PPA2: variants seen among roughly 807,000 people sequenced by gnomAD.
PPA2 encodes the protein inorganic pyrophosphatase 2.
In PPA2, 48 loss-of-function variants were observed where a neutral mutation model predicts 49.5. That is an observed-to-expected ratio of 0.97 (90% CI 0.77 to 1.23). The LOEUF (loss-of-function observed/expected upper bound fraction) is 1.23, where lower values mean the gene tolerates loss of function less well. Among genes scored for constraint, PPA2 ranks in the 50% most tolerant of loss-of-function variants. The pLI is 0.00. For synonymous variants in PPA2, 131 were observed against 139.9 expected (o/e 0.94, Z 0.45); for missense variants, 429 against 410.1 (o/e 1.05, Z -0.40).
chr4:105,440,785 C>T (rs1181838121), intron 5 of PPA2, among the ~76,000 whole-genome samples: 1 of 151,946 alleles, frequency 6.6e-6, no homozygotes, highest in Non-Finnish European at 1.5e-5. Flanking sequence ...GTTGGTTGGT[C>T]CTCAGAACTC....
chr4:105,424,185 A>T lies in PPA2; in HGVS notation c.655+11T>A, dbSNP rs1015803724. 3 of 1,596,632 alleles carry T rather than the reference A, an allele frequency of 1.9e-6. No homozygotes were observed. The Admixed American group carries it at 5.5e-5, about 29-fold the overall frequency. On this transcript the variant is annotated intron_variant, in intron 7 of 11. Transcript: ENST00000341695. ...AATTTGCTTTCACTTTCTGGAAAGT[A>T]ACAGTCTTACCATGAAACTTTGAGG...
At chr4:105,396,972 C>CT (rs1560611635) in intron 8 of PPA2, among the ~76,000 whole-genome samples, 1 of 152,152 alleles carries the variant, frequency 6.6e-6, no homozygotes, top group Non-Finnish European at 1.5e-5. Context: ...AGTACATCTC[C>CT]TTGACATTTA....
chr4:105,369,184 T>C lies in PPA2; in HGVS notation c.*541A>G, dbSNP rs1732919714. ...CTTCAGGTATAGAAACTAGAAATGG[T>C]CAACTCAATGCCTCTAAATTTGTGC... On this transcript the variant is annotated 3_prime_UTR_variant, in exon 12 of 12. Coordinates refer to ENST00000341695, the MANE Select transcript of PPA2 (RefSeq NM_176869.3). The C allele has an allele frequency of 6.6e-6, 1 of 152,062 alleles. No homozygotes were observed. The highest frequency in any genetic ancestry group is 2.1e-4 in the South Asian group (1 of 4,832). 9.4% of individuals were successfully genotyped at this position (152,062 alleles called of 1,614,324 possible). A position where few individuals can be genotyped will look rare whatever the true frequency, so the allele number is the denominator to read the frequency against.
At chr4:105,459,351 C>T (rs1722994856) in intron 1 of PPA2, among the ~76,000 whole-genome samples, 1 of 152,076 alleles carries the variant, frequency 6.6e-6, no homozygotes, top group Admixed American at 6.5e-5. Context: ...ATGAGTAACA[C>T]AAGAACACAA....
chr4:105,371,811 T>A (rs1328578887), intron 10 of PPA2, among the ~76,000 whole-genome samples: 1 of 152,186 alleles, frequency 6.6e-6, no homozygotes, highest in African/African-American at 2.4e-5. Context: ...CAAATACCTT[T>A]GTAATGACCT....
In PPA2 at chr4:105,424,238, T is replaced by C; in HGVS notation, c.613A>G (p.Ile205Val). The C allele has an allele frequency of 6.2e-7, 1 of 1,610,064 alleles. No homozygotes were observed. The highest frequency in any genetic ancestry group is 1.1e-5 in the South Asian group (1 of 89,910). ...IDEGETDWKL[I>V]AINANDPEAS... ...TCAGGATCATTCGCATTGATAGCAA[T>C]TAATTTCCAATCTGTTTCACCTTCA... The change falls in exon 7 of 12, where the codon ATT becomes GTT. Residue 205 changes from isoleucine (I) to valine (V), a missense_variant. Coordinates refer to ENST00000341695, the MANE Select transcript of PPA2 (RefSeq NM_176869.3).
chr4:105,376,653 GGTTCACA>G (rs1470208002), intron 10 of PPA2, among the ~76,000 whole-genome samples: 2 of 152,166 alleles, frequency 1.3e-5, no homozygotes, highest in Non-Finnish European at 2.9e-5. Flanking sequence ...ATGAGCTAGA[GGTTCACA>G]GTGGCATGGG....
chr4:105,379,066 A>G (rs1258073022), intron 10 of PPA2, among the ~76,000 whole-genome samples: 2 of 152,146 alleles, frequency 1.3e-5, no homozygotes, highest in Non-Finnish European at 2.9e-5. Flanking sequence ...CTGAATCTAT[A>G]TATCAACTTT....
intron 9 of PPA2, among the ~76,000 whole-genome samples, chr4:105,387,847 C>T (rs1013007532): frequency 6.6e-6 from 1 of 150,714 alleles, no homozygotes; most frequent in African/African-American, 2.4e-5. Context: ...AAAGGCAGAG[C>T]CCTGTAAGTT....
chr4:105,474,062 C>T lies in PPA2; in HGVS notation c.-12G>A, dbSNP rs1358039287. The T allele has an allele frequency of 3.8e-6, 6 of 1,561,228 alleles. No individual in the cohort carries two copies. Among genetic ancestry groups the T allele is most frequent in the African/African-American group, 2.7e-5 (2 of 73,326 alleles). ...AGCAGCGCGCTCATGGCGTCAATGACGGTCCTGCTGTGCGCGCGGAGCTAC... is the reference window on the plus strand; with the variant it reads ...AGCAGCGCGCTCATGGCGTCAATGATGGTCCTGCTGTGCGCGCGGAGCTAC... On this transcript the variant is annotated 5_prime_UTR_variant, in exon 1 of 12. Transcript: ENST00000341695.
At chr4:105,442,990 G>C (rs1560633599) in intron 5 of PPA2, among the ~76,000 whole-genome samples, 2 of 152,100 alleles carry the variant, frequency 1.3e-5, no homozygotes, top group African/African-American at 2.4e-5. Context: ...CATTAAGCTG[G>C]GTAGTCAGAA....
Position 105,409,878 on chromosome 4 carries a change from A to G in PPA2, c.656-10714T>C, listed in dbSNP as rs541135429. On this transcript the variant is annotated intron_variant, in intron 7 of 11. Coordinates refer to ENST00000341695, the MANE Select transcript of PPA2 (RefSeq NM_176869.3). ...GGAATAGCATCAACATCAACAAAAA[A>G]GGACATCCACACCAAAACCCCATCT... Among the ~76,000 whole-genome samples the G allele has an allele frequency of 2.1e-4, 32 of 152,360 alleles. No homozygotes were observed. The East Asian group carries it at 6.2e-3, about 29-fold the overall frequency.
At chr4:105,464,731 T>C (rs1723232178) in intron 1 of PPA2, among the ~76,000 whole-genome samples, 1 of 152,166 alleles carries the variant, frequency 6.6e-6, no homozygotes, top group African/African-American at 2.4e-5. Context: ...AGCTCTCTTG[T>C]CTGCCACCAT....
chr4:105,373,766 TACACACACACACAC>T (rs36109695), intron 10 of PPA2, among the ~76,000 whole-genome samples: 2 of 148,290 alleles, frequency 1.3e-5, no homozygotes, highest in African/African-American at 2.5e-5. Flanking sequence ...TATATTTAAA[TACACACACACACAC>T]ACACACACAC....
At position 105,402,123 on chromosome 4, in the gene PPA2, C is replaced by CA. The variant is rs544480535; in HGVS notation, c.656-2960_656-2959insT. Among the ~76,000 whole-genome samples, 7 of 151,980 alleles carry CA rather than the reference C, an allele frequency of 4.6e-5. No individual in the cohort carries two copies. In the East Asian group the frequency reaches 1.2e-3, roughly 25 times the overall value. On this transcript the variant is annotated intron_variant, in intron 7 of 11. Coordinates refer to ENST00000341695, the MANE Select transcript of PPA2 (RefSeq NM_176869.3). ...TAAAATATCTGTTGTCAAATTAAGC[C>CA]TGGAGCTAGGTGCCATGGCATGCCC...
intron 10 of PPA2, among the ~76,000 whole-genome samples, chr4:105,378,774 A>C (rs1311589948): frequency 6.6e-6 from 1 of 152,124 alleles, no homozygotes; most frequent in African/African-American, 2.4e-5. Flanking sequence ...ATGAATAACC[A>C]ATTATTTAAG....
intron 10 of PPA2, among the ~76,000 whole-genome samples, chr4:105,377,562 A>C (rs957090355): frequency 6.6e-6 from 1 of 152,142 alleles, no homozygotes; most frequent in Non-Finnish European, 1.5e-5. Context: ...ACTAACATTG[A>C]CCTGAAATAA....
intron 7 of PPA2, among the ~76,000 whole-genome samples, chr4:105,417,277 C>T (rs2636740): frequency 0.96 from 145,748 of 152,216 alleles, 69,928 homozygotes; most frequent in African/African-American, 0.99. Flanking sequence ...GGGTTTCCCA[C>T]AGCACTAACT....
chr4:105,416,802 G>T (rs1240618557), intron 7 of PPA2, among the ~76,000 whole-genome samples: 1 of 152,034 alleles, frequency 6.6e-6, no homozygotes, highest in Admixed American at 6.6e-5. Flanking sequence ...CATTGTTCTT[G>T]CCCTTTCCTT....
Sources: allele counts gnomAD v4.1 joint callset (sites outside exome capture counted in the v4.1 genomes callset), GRCh38; gene constraint gnomAD v4.1.1; transcripts MANE v1.5; gene names NCBI Gene and HGNC (gene_info 2026-07-23, HGNC 2026-07-21).